Variants in MDFIC observed in about 807,000 individuals in gnomAD.
The protein encoded by MDFIC is MyoD family inhibitor domain containing.
A neutral mutation model predicts 23.2 loss-of-function variants in MDFIC; 17 were observed. The ratio of observed to expected loss-of-function variants is 0.73; its 90% CI spans 0.50 to 1.10. MDFIC has a LOEUF of 1.10. Ranked by LOEUF, MDFIC falls within the 50% of genes least tolerant of loss-of-function variation. The pLI is 0.00. For synonymous variants in MDFIC, 120 were observed against 115.2 expected (o/e 1.04, Z -0.27); for missense variants, 356 against 316.6 (o/e 1.12, Z -0.95).
At chr7:114,937,340 A>G (rs920055882) in intron 2 of MDFIC, among the ~76,000 whole-genome samples, 3 of 152,110 alleles carry the variant, frequency 2.0e-5, no homozygotes, top group South Asian at 2.1e-4. Context: ...TAGTTTTTCC[A>G]TTTTCTCTTG....
chr7:114,967,023 T>G (rs945997266), intron 3 of MDFIC, among the ~76,000 whole-genome samples: 2 of 152,230 alleles, frequency 1.3e-5, no homozygotes, highest in Non-Finnish European at 1.5e-5. Flanking sequence ...AAAGTTCAAA[T>G]TTTAAAAATT....
At chr7:114,966,051 T>G (rs1361961730) in intron 3 of MDFIC, among the ~76,000 whole-genome samples, 1 of 152,176 alleles carries the variant, frequency 6.6e-6, no homozygotes, top group Non-Finnish European at 1.5e-5. Context: ...TCTAGATTTT[T>G]TTAAAGTTAC....
At chr7:114,984,559 G>T (rs1793477408) in intron 4 of MDFIC, among the ~76,000 whole-genome samples, 1 of 152,042 alleles carries the variant, frequency 6.6e-6, no homozygotes, top group Non-Finnish European at 1.5e-5. Flanking sequence ...TTATTTAAAG[G>T]TTATTAAATT....
chr7:114,983,722 C>G (rs2115984494), intron 4 of MDFIC, among the ~76,000 whole-genome samples: 1 of 152,038 alleles, frequency 6.6e-6, no homozygotes, highest in South Asian at 2.1e-4. Context: ...CGCCCACCAC[C>G]ACGCCTGGCT....
At chr7:114,930,629 C>G (rs898723013) in intron 2 of MDFIC, among the ~76,000 whole-genome samples, 8 of 152,010 alleles carry the variant, frequency 5.3e-5, no homozygotes, top group African/African-American at 1.9e-4. Context: ...GGAAAGAAGG[C>G]CTAATAACAG....
Position 114,939,723 on chromosome 7 carries a change from G to A in MDFIC, c.95-2552G>A, listed in dbSNP as rs564675979. On this transcript the variant is annotated intron_variant, in intron 2 of 4. Coordinates refer to ENST00000393486, the MANE Select transcript of MDFIC (RefSeq NM_001166345.3). ...CATGATTCAAATATGAGTCAAGTGT[G>A]TCTAGAGGCTTTATTCATACCTATT... 2.0e-5 allele frequency among the ~76,000 whole-genome samples: 3 copies of A among 152,280 alleles called. No individual in the cohort carries two copies. In the South Asian group the frequency reaches 6.2e-4, roughly 32 times the overall value.
chr7:114,969,195 T>C (rs1444681522), intron 3 of MDFIC, among the ~76,000 whole-genome samples: 1 of 152,200 alleles, frequency 6.6e-6, no homozygotes, highest in Non-Finnish European at 1.5e-5. Flanking sequence ...CTTGCTACAC[T>C]TCCGCCATCC....
intron 2 of MDFIC, among the ~76,000 whole-genome samples, chr7:114,926,453 G>A (rs917258708): frequency 1.3e-5 from 2 of 152,146 alleles, no homozygotes; most frequent in African/African-American, 4.8e-5. Flanking sequence ...ATTGACAATA[G>A]GCTTGGGATA....
In MDFIC at chr7:115,016,396, G is replaced by C. The variant is rs989942566; in HGVS notation, c.*461G>C. 4 of 161,402 alleles carry C rather than the reference G, an allele frequency of 2.5e-5. No individual in the cohort carries two copies. Among genetic ancestry groups the C allele is most frequent in the African/African-American group, 9.6e-5 (4 of 41,578 alleles). The allele number at this position is 161,402 out of a possible 1,614,324, so 10.0% of individuals were successfully genotyped here. ...ACCTGTAACCCTGGCATTTTGGGAG[G>C]CCAAGGTGGGCAGATTGCCTGAGCT... On this transcript the variant is annotated 3_prime_UTR_variant, in exon 5 of 5. Coordinates refer to ENST00000393486, the MANE Select transcript of MDFIC (RefSeq NM_001166345.3).
At chr7:114,949,293 G>A (rs1174448965) in intron 3 of MDFIC, among the ~76,000 whole-genome samples, 1 of 152,194 alleles carries the variant, frequency 6.6e-6, no homozygotes, top group Admixed American at 6.5e-5. Context: ...AGGGCTCAGT[G>A]AGGAGGTAGA....
rs1415782041 is a variant in MDFIC at position 114,952,011 on chromosome 7, C to T, written c.217+9614C>T. ...TTCTAAGTGCTGGGCTTGCCACAAC[C>T]GCGTAGTTTCGCACCCATGATGCTG... On this transcript the variant is annotated intron_variant, in intron 3 of 4. Transcript: ENST00000393486. Among the ~76,000 whole-genome samples, 8 of 152,294 alleles carry T rather than the reference C, an allele frequency of 5.3e-5. No homozygotes were observed. In the Middle Eastern group the frequency reaches 0.01, roughly 194 times the overall value.
At chr7:114,976,499 C>A (rs1472300261) in intron 3 of MDFIC, among the ~76,000 whole-genome samples, 1 of 152,050 alleles carries the variant, frequency 6.6e-6, no homozygotes, top group Non-Finnish European at 1.5e-5. Flanking sequence ...CCATTGCACA[C>A]CCGTAGAAAT....
intron 3 of MDFIC, among the ~76,000 whole-genome samples, 168 bp downstream of exon 3, chr7:114,942,565 A>G (rs565921335): frequency 5.3e-5 from 8 of 152,366 alleles, no homozygotes; most frequent in Admixed American, 3.3e-4. Context: ...TAGGATATAC[A>G]TAATGCTGTC....
chr7:114,999,567 A>G (rs974116553), intron 4 of MDFIC, among the ~76,000 whole-genome samples: 1 of 151,992 alleles, frequency 6.6e-6, no homozygotes, highest in Non-Finnish European at 1.5e-5. Flanking sequence ...GGTTTTGAGA[A>G]TATTTTATAA....
At chr7:114,952,527 C>T (rs932498892) in intron 3 of MDFIC, among the ~76,000 whole-genome samples, 3 of 151,822 alleles carry the variant, frequency 2.0e-5, no homozygotes, top group African/African-American at 7.3e-5. Context: ...GCAAGATACA[C>T]AAAAATCAAA....
At position 114,979,491 on chromosome 7, in the gene MDFIC, C is replaced by G; in HGVS notation, c.218-15C>G. 6.4e-7 allele frequency: 1 copy of G among 1,558,194 alleles called. No individual in the cohort carries two copies. The highest frequency in any genetic ancestry group is 2.0e-5 in the Admixed American group (1 of 49,450). On this transcript the variant is annotated splice_polypyrimidine_tract_variant and intron_variant, in intron 3 of 4. Transcript: ENST00000393486. The stretch of plus-strand genomic sequence containing the variant: ...TTTTCTTTAACTGGCTGACTTTTTC[C>G]TGTTTTTAATTTAGCCCAACCTCAG...
chr7:114,992,219 A>T (rs1468450991), intron 4 of MDFIC, among the ~76,000 whole-genome samples: 1 of 152,224 alleles, frequency 6.6e-6, no homozygotes, highest in African/African-American at 2.4e-5. Context: ...GACTTTGCTG[A>T]AGTTGCTTAT....
chr7:114,967,275 G>T (rs1793116402), intron 3 of MDFIC, among the ~76,000 whole-genome samples: 1 of 152,186 alleles, frequency 6.6e-6, no homozygotes, highest in Admixed American at 6.5e-5. Flanking sequence ...CTGTGACTCA[G>T]TTCTGGCCAA....
chr7:114,935,830 C>T (rs1334292794), intron 2 of MDFIC, among the ~76,000 whole-genome samples: 3 of 151,990 alleles, frequency 2.0e-5, no homozygotes, highest in African/African-American at 7.2e-5. Flanking sequence ...AATACTTTTC[C>T]TTGTATTTAG....
Sources: gnomAD v4.1 joint callset for allele counts (sites outside exome capture counted in the v4.1 genomes callset) on GRCh38, gnomAD v4.1.1 for gene constraint, MANE v1.5 for transcripts, NCBI Gene and HGNC (gene_info 2026-07-23, HGNC 2026-07-21) for gene names.